The following SHANK2 variants were observed in gnomAD, a reference collection of about 807,000 sequenced individuals.
SHANK2 encodes the protein SH3 and multiple ankyrin repeat domains protein 2.
A neutral mutation model predicts 133.7 loss-of-function variants in SHANK2; 43 were observed. That is an observed-to-expected ratio of 0.32 (90% CI 0.25 to 0.41). The LOEUF is 0.41. SHANK2 is among the 10% of genes least tolerant of loss of function. SHANK2 has a pLI of 1.00. For synonymous variants in SHANK2, 1,017 were observed against 952.8 expected (o/e 1.07, Z -1.24); for missense variants, 1,994 against 2,235.8 (o/e 0.89, Z 2.18).
intron 11 of SHANK2, among the ~76,000 whole-genome samples, chr11:70,892,129 C>T (rs1419985150): frequency 6.6e-6 from 1 of 152,206 alleles, no homozygotes; most frequent in Non-Finnish European, 1.5e-5. Flanking sequence ...GTCACACCGT[C>T]ATGAGGCTGG....
intron 17 of SHANK2, among the ~76,000 whole-genome samples, chr11:70,598,926 C>CAA (rs61220609): frequency 0.096 from 10,838 of 112,914 alleles, 821 homozygotes; most frequent in African/African-American, 0.21. Flanking sequence ...AGCTGCATGT[C>CAA]AAAAAAAAAA....
chr11:70,741,243 C>G (rs1354992279), intron 14 of SHANK2, among the ~76,000 whole-genome samples: 1 of 144,412 alleles, frequency 6.9e-6, no homozygotes, highest in Non-Finnish European at 1.6e-5. Context: ...ATCCATCCAT[C>G]CATCCATCCA....
At chr11:70,563,120 T>C (rs2059928039) in intron 17 of SHANK2, among the ~76,000 whole-genome samples, 1 of 152,202 alleles carries the variant, frequency 6.6e-6, no homozygotes, top group African/African-American at 2.4e-5. Context: ...CCGCCCACCC[T>C]GGCCTCCCAA....
intron 17 of SHANK2, among the ~76,000 whole-genome samples, chr11:70,518,675 G>A (rs1554970499): frequency 6.6e-6 from 1 of 152,166 alleles, no homozygotes; most frequent in East Asian, 1.9e-4. Context: ...CCCTTTGCAG[G>A]CGGTGCCGGG....
intron 14 of SHANK2, among the ~76,000 whole-genome samples, chr11:70,767,376 A>G (rs940168626): frequency 1.3e-5 from 2 of 152,234 alleles, no homozygotes; most frequent in Non-Finnish European, 2.9e-5. Context: ...AAAGAAGGAA[A>G]AACAGGTAAG....
At chr11:70,812,667 G>T (rs1188176458) in intron 12 of SHANK2, among the ~76,000 whole-genome samples, 1 of 152,232 alleles carries the variant, frequency 6.6e-6, no homozygotes, top group Non-Finnish European at 1.5e-5. Flanking sequence ...AGCAGCAGAA[G>T]CCAGACCTCT....
At position 70,475,789 on chromosome 11, in the gene SHANK2, C is replaced by T. The variant is rs1555149988; in HGVS notation, c.4980-2350G>A. Among the ~76,000 whole-genome samples, 24 of 152,198 alleles carry T rather than the reference C, an allele frequency of 1.6e-4. 2 individuals are homozygous for T. On this transcript the variant is annotated intron_variant, in intron 25 of 25. Coordinates refer to ENST00000601538, the MANE Select transcript of SHANK2 (RefSeq NM_012309.5). Reference sequence around the variant, plus strand: ...CCCCTGAGTGGGAGATGTTACAAACCAGGCATCCCCATCTAGAACCTGCCC... The same window carrying T: ...CCCCTGAGTGGGAGATGTTACAAACTAGGCATCCCCATCTAGAACCTGCCC...
At chr11:71,173,902 G>A (rs782475448) in intron 2 of SHANK2, among the ~76,000 whole-genome samples, 3 of 152,324 alleles carry the variant, frequency 2.0e-5, no homozygotes, top group South Asian at 2.1e-4. Context: ...GGGGAGGAAG[G>A]ACCCTCCTCT....
intron 25 of SHANK2, among the ~76,000 whole-genome samples, chr11:70,478,982 G>T (rs2058699082): frequency 6.6e-6 from 1 of 152,202 alleles, no homozygotes; most frequent in Admixed American, 6.5e-5. Flanking sequence ...GATTAACCCT[G>T]TGATATGCTT....
chr11:70,567,520 G>A (rs1162443642), intron 17 of SHANK2, among the ~76,000 whole-genome samples: 1 of 152,006 alleles, frequency 6.6e-6, no homozygotes, highest in South Asian at 2.1e-4. Context: ...CCAGATACTC[G>A]GGAGGCTGAG....
chr11:71,226,768 G>A (rs60122605), intron 1 of SHANK2: 1 of 151,948 alleles, frequency 6.6e-6, no homozygotes, highest in Admixed American at 6.6e-5. Flanking sequence ...CTAAAAAGAA[G>A]CCTTTCTAAA....
At position 70,813,271 on chromosome 11, in the gene SHANK2, A is replaced by C. The variant is rs191584730; in HGVS notation, c.1494-6100T>G. On this transcript the variant is annotated intron_variant, in intron 12 of 25. Coordinates refer to ENST00000601538, the MANE Select transcript of SHANK2 (RefSeq NM_012309.5). ...TACCCACAAAAGGCTACAAGAGGGGACAGCTGGGTAGTGCAGAGAGAAGGG... is the reference window on the plus strand; with the variant it reads ...TACCCACAAAAGGCTACAAGAGGGGCCAGCTGGGTAGTGCAGAGAGAAGGG... 3.8e-4 allele frequency among the ~76,000 whole-genome samples: 58 copies of C among 151,898 alleles called. No homozygotes were observed. The East Asian group carries it at 8.0e-3, about 21-fold the overall frequency.
intron 2 of SHANK2, among the ~76,000 whole-genome samples, chr11:71,205,721 C>G (rs1954113977): frequency 6.6e-6 from 1 of 152,212 alleles, no homozygotes; most frequent in South Asian, 2.1e-4. Flanking sequence ...TACCAAGGCA[C>G]TCCTAATGTG....
chr11:71,201,467 T>C (rs1474279817), intron 2 of SHANK2, among the ~76,000 whole-genome samples: 2 of 152,220 alleles, frequency 1.3e-5, no homozygotes, highest in Admixed American at 6.5e-5. Flanking sequence ...AATGCCATGA[T>C]GGTCGGAGCT....
chr11:70,926,876 G>A (rs1555081715), intron 10 of SHANK2, among the ~76,000 whole-genome samples: 2 of 152,190 alleles, frequency 1.3e-5, no homozygotes, highest in Non-Finnish European at 1.5e-5. Flanking sequence ...GGATAAGGAG[G>A]ACGAACTGTG....
Position 70,917,440 on chromosome 11 carries a change from C to T in SHANK2, c.1108-20873G>A, listed in dbSNP as rs113793272. Among the ~76,000 whole-genome samples the T allele has an allele frequency of 6.8e-3, 1,032 of 152,284 alleles. 10 individuals are homozygous for T. The highest frequency in any genetic ancestry group is 0.023 in the African/African-American group (949 of 41,570). On this transcript the variant is annotated intron_variant, in intron 10 of 25. Transcript: ENST00000601538. Reference sequence around the variant, plus strand: ...AAATTAGTTCAGCCATTGTGAAAGACAGTGTGGAGATTCTTCAAAGACCTA... The same window carrying T: ...AAATTAGTTCAGCCATTGTGAAAGATAGTGTGGAGATTCTTCAAAGACCTA...
intron 8 of SHANK2, among the ~76,000 whole-genome samples, chr11:71,082,949 C>T (rs937643041): frequency 2.0e-5 from 3 of 148,696 alleles, no homozygotes; most frequent in Non-Finnish European, 3.0e-5. Flanking sequence ...GCCCGCCCCC[C>T]CCCCAACCCT....
chr11:70,561,283 A>G (rs1337082430), intron 17 of SHANK2, among the ~76,000 whole-genome samples: 1 of 152,038 alleles, frequency 6.6e-6, no homozygotes, highest in Non-Finnish European at 1.5e-5. Flanking sequence ...CCTCTTGAGT[A>G]ACTGGGACTA....
chr11:70,675,723 C>T (rs1176529286), intron 15 of SHANK2, among the ~76,000 whole-genome samples: 1 of 152,160 alleles, frequency 6.6e-6, no homozygotes, highest in African/African-American at 2.4e-5. Context: ...GAAGATTTTG[C>T]CAGGAGATCC....
Sources: gnomAD v4.1 joint callset for allele counts (sites outside exome capture counted in the v4.1 genomes callset) on GRCh38, gnomAD v4.1.1 for gene constraint, MANE v1.5 for transcripts, NCBI Gene and HGNC (gene_info 2026-07-23, HGNC 2026-07-21) for gene names.